The following KIF21A variants were observed in gnomAD, a reference collection of about 807,000 sequenced individuals.
KIF21A encodes kinesin family member 21A.
In KIF21A, 114 loss-of-function variants were observed where a neutral mutation model predicts 202.9. The ratio of observed to expected loss-of-function variants is 0.56; its 90% CI spans 0.48 to 0.66. The LOEUF (loss-of-function observed/expected upper bound fraction) is 0.66, where lower values mean the gene tolerates loss of function less well. Among genes scored for constraint, KIF21A ranks in the 30% least tolerant of loss-of-function variants. The probability of loss-of-function intolerance (pLI) is 0.00; values close to 1 mark genes in which losing one functional copy is unlikely to be tolerated. For missense variants in KIF21A, 1,677 were observed against 1,994.9 expected (o/e 0.84, Z 3.04); for synonymous variants, 667 against 670.8 (o/e 0.99, Z 0.09).
At chr12:39,422,204 AC>A (rs768397791) in intron 1 of KIF21A, among the ~76,000 whole-genome samples, 6 of 151,620 alleles carry the variant, frequency 4.0e-5, no homozygotes, top group Non-Finnish European at 7.4e-5. Flanking sequence ...CAAGTGATCC[AC>A]CCACTGTGGC....
At chr12:39,295,173 T>TTCG (rs1942177374) in intron 37 of KIF21A, among the ~76,000 whole-genome samples, 1 of 152,218 alleles carries the variant, frequency 6.6e-6, no homozygotes, top group African/African-American at 2.4e-5. Flanking sequence ...AAAGCGATTC[T>TTCG]GATGCCCTGT....
Position 39,390,059 on chromosome 12 carries a change from C to T in KIF21A, c.45-19798G>A, listed in dbSNP as rs113007706. Among the ~76,000 whole-genome samples the T allele has an allele frequency of 2.0e-3, 310 of 152,266 alleles. 4 individuals are homozygous for T. Among genetic ancestry groups the T allele is most frequent in the African/African-American group, 7.2e-3 (298 of 41,564 alleles). The stretch of plus-strand genomic sequence containing the variant: ...ACCAAATTGTGTTTTAGGGACACTA[C>T]TTGCATCTCAGATTCATCGTTGTAT... On this transcript the variant is annotated intron_variant, in intron 1 of 37. Coordinates refer to ENST00000361418, the MANE Select transcript of KIF21A (RefSeq NM_001173464.2).
At chr12:39,383,230 C>T (rs780356492) in intron 1 of KIF21A, among the ~76,000 whole-genome samples, 3 of 152,128 alleles carry the variant, frequency 2.0e-5, no homozygotes, top group Non-Finnish European at 2.9e-5. Context: ...GATCCATTAG[C>T]GTGAATACTA....
chr12:39,381,239 C>G (rs1381136621), intron 1 of KIF21A, among the ~76,000 whole-genome samples: 1 of 146,428 alleles, frequency 6.8e-6, no homozygotes, highest in Non-Finnish European at 1.5e-5. Context: ...ACCCAGGAGG[C>G]AGAGCTTACA....
At chr12:39,399,729 T>C (rs1473113574) in intron 1 of KIF21A, among the ~76,000 whole-genome samples, 1 of 152,210 alleles carries the variant, frequency 6.6e-6, no homozygotes, top group Non-Finnish European at 1.5e-5. Flanking sequence ...CCTGTGTCTC[T>C]CTGATAGGCC....
chr12:39,370,242 T>C lies in KIF21A; in HGVS notation c.64A>G (p.Lys22Glu), dbSNP rs1289975638. The part of the protein sequence containing the change: ...VAVRIRPQLA[K>E]EKIEGCHICT... ...ATATGGCATCCTTCAATCTTCTCTT[T>C]GGCAAGCTGTGGTCTTATTCTGTGA... is the stretch of plus-strand genomic sequence containing the variant. Residue 22 changes from lysine to glutamate, a missense_variant, in exon 2 of 38, where the codon AAA (lysine) becomes GAA (glutamate). Transcript: ENST00000361418. The C allele has an allele frequency of 6.2e-7, 1 of 1,612,042 alleles. No homozygotes were observed. Among genetic ancestry groups the C allele is most frequent in the East Asian group, 2.2e-5 (1 of 44,830 alleles).
At chr12:39,431,706 G>A (rs530863020) in intron 1 of KIF21A, among the ~76,000 whole-genome samples, 1 of 152,216 alleles carries the variant, frequency 6.6e-6, no homozygotes, top group East Asian at 1.9e-4. Flanking sequence ...TTATGATTAG[G>A]TTATATAAAG....
intron 16 of KIF21A, among the ~76,000 whole-genome samples, chr12:39,339,062 T>C (rs1474362232): frequency 1.3e-5 from 2 of 152,094 alleles, no homozygotes; most frequent in South Asian, 4.1e-4. Flanking sequence ...GTGGATCAGC[T>C]GAGGTCAGGA....
chr12:39,408,539 TA>T (rs1221933182), intron 1 of KIF21A, among the ~76,000 whole-genome samples: 2 of 151,842 alleles, frequency 1.3e-5, no homozygotes, highest in Non-Finnish European at 2.9e-5. Context: ...TTTGAACCTA[TA>T]AAAATAGTTA....
At chr12:39,421,742 T>TAC (rs755593805) in intron 1 of KIF21A, among the ~76,000 whole-genome samples, 8,122 of 142,980 alleles carry the variant, frequency 0.057, 386 homozygotes, top group African/African-American at 0.13. Flanking sequence ...TATATATATA[T>TAC]ACACATACAC....
At chr12:39,439,688 C>T (rs1939297533) in intron 1 of KIF21A, among the ~76,000 whole-genome samples, 1 of 152,168 alleles carries the variant, frequency 6.6e-6, no homozygotes, top group Admixed American at 6.5e-5. Context: ...TTAATAGCCA[C>T]ATGGGGTTGG....
chr12:39,309,288 A>G (rs1943776604), intron 33 of KIF21A, among the ~76,000 whole-genome samples: 1 of 152,182 alleles, frequency 6.6e-6, no homozygotes, highest in African/African-American at 2.4e-5. Context: ...AGTAAGAAAT[A>G]GTATGAAAAT....
chr12:39,334,855 A>G (rs1946826348), intron 17 of KIF21A, among the ~76,000 whole-genome samples: 1 of 152,218 alleles, frequency 6.6e-6, no homozygotes, highest in Non-Finnish European at 1.5e-5. Flanking sequence ...AAGATTCAAA[A>G]AGTTCATCCC....
At chr12:39,311,730 G>A (rs766092001) in intron 31 of KIF21A, 177 bp from the exon 32 acceptor site, 343 of 644,624 alleles carry the variant, frequency 5.3e-4, no homozygotes, top group Non-Finnish European at 8.0e-4. Flanking sequence ...TAATAGTGAT[G>A]GAGTATATCA....
chr12:39,361,770 T>G (rs553226746), intron 7 of KIF21A, among the ~76,000 whole-genome samples: 1 of 152,128 alleles, frequency 6.6e-6, no homozygotes, highest in African/African-American at 2.4e-5. Context: ...CCTCCCAAAG[T>G]GCTGGGATCA....
chr12:39,433,726 A>G (rs1275004277), intron 1 of KIF21A, among the ~76,000 whole-genome samples: 1 of 152,246 alleles, frequency 6.6e-6, no homozygotes, highest in East Asian at 1.9e-4. Flanking sequence ...AAAAAGAAAG[A>G]ATAAAAATAG....
chr12:39,375,262 G>C (rs1248508098), intron 1 of KIF21A, among the ~76,000 whole-genome samples: 2 of 152,094 alleles, frequency 1.3e-5, no homozygotes, highest in Non-Finnish European at 1.5e-5. Context: ...GCTTATACTT[G>C]CTACCTTTTC....
At chr12:39,353,372 T>C (rs1948542436) in intron 10 of KIF21A, among the ~76,000 whole-genome samples, 1 of 152,182 alleles carries the variant, frequency 6.6e-6, no homozygotes, top group South Asian at 2.1e-4. Flanking sequence ...TGATACCATA[T>C]GCGAGCAGAA....
At chr12:39,415,667 TA>T (rs1953519047) in intron 1 of KIF21A, among the ~76,000 whole-genome samples, 1 of 152,224 alleles carries the variant, frequency 6.6e-6, no homozygotes, top group South Asian at 2.1e-4. Context: ...AAAGACACTT[TA>T]TTAGTGTCCC....
Sources: gnomAD v4.1 joint callset for allele counts (sites outside exome capture counted in the v4.1 genomes callset) on GRCh38, gnomAD v4.1.1 for gene constraint, MANE v1.5 for transcripts, NCBI Gene and HGNC (gene_info 2026-07-23, HGNC 2026-07-21) for gene names.